The following DENND6A variants were observed in gnomAD, a reference collection of about 807,000 sequenced individuals.
DENND6A encodes the protein DENN domain containing 6A.
DENND6A carries 43 observed loss-of-function variants against 95.5 expected under a neutral mutation model. The ratio of observed to expected loss-of-function variants is 0.45; its 90% confidence interval spans 0.35 to 0.58. DENND6A has a LOEUF of 0.58. Among genes scored for constraint, DENND6A ranks in the 20% least tolerant of loss-of-function variants. The probability of loss-of-function intolerance (pLI) is 0.00; values close to 1 mark genes in which losing one functional copy is unlikely to be tolerated. For synonymous variants in DENND6A, 257 were observed against 260.4 expected (o/e 0.99, Z 0.13); for missense variants, 574 against 736.0 (o/e 0.78, Z 2.55).
At position 57,657,745 on chromosome 3, in the gene DENND6A, A is replaced by G. The variant is rs762092684; in HGVS notation, c.763-10T>C. On this transcript the variant is annotated splice_polypyrimidine_tract_variant and intron_variant, in intron 8 of 19. Transcript: ENST00000311128. ...ATATATTTGTGTCCACCTGAGAGAT[A>G]GAAAAGAAAAATAAAAGAAGGTATC... The G allele has an allele frequency of 6.4e-7, 1 of 1,559,256 alleles. No individual in the cohort carries two copies. Among genetic ancestry groups the G allele is most frequent in the Admixed American group, 1.9e-5 (1 of 52,860 alleles).
intron 9 of DENND6A, among the ~76,000 whole-genome samples, chr3:57,652,252 C>A (rs1466382630): frequency 6.6e-6 from 1 of 152,164 alleles, no homozygotes; most frequent in East Asian, 1.9e-4. Flanking sequence ...TCTCTCAGTG[C>A]TTGCTCTGGG....
Position 57,653,941 on chromosome 3 carries a change from C to CTTTTTTTTTTT in DENND6A, c.818+3728_818+3738dup, listed in dbSNP as rs1206882170. ...CCTTGGGAAAATAATTAGAAATTCA[C>CTTTTTTTTTTT]TTTTTTTTTTTTTTTTTTTTTTTTG... On this transcript the variant is annotated intron_variant, in intron 9 of 19. Coordinates refer to ENST00000311128, the MANE Select transcript of DENND6A (RefSeq NM_152678.3). Among the ~76,000 whole-genome samples the CTTTTTTTTTTT allele has an allele frequency of 7.9e-5, 6 of 75,820 alleles. 1 individual carries two copies. The highest frequency in any genetic ancestry group is 1.8e-4 in the Admixed American group (1 of 5,668). 49.7% of individuals were successfully genotyped at this position (75,820 alleles called of 152,430 possible).
At position 57,670,034 on chromosome 3, in the gene DENND6A, A is replaced by G. The variant is rs566614737; in HGVS notation, c.319+2222T>C. 2.8e-4 allele frequency among the ~76,000 whole-genome samples: 43 copies of G among 151,104 alleles called. No homozygotes were observed. The East Asian group carries it at 7.8e-3, about 27-fold the overall frequency. ...AACTCCATCTCAAAAAAAAAAAAAA[A>G]AAAGAAAAAAGAAAAAAAAAATCTG... On this transcript the variant is annotated intron_variant, in intron 3 of 19. Coordinates refer to ENST00000311128, the MANE Select transcript of DENND6A (RefSeq NM_152678.3).
chr3:57,632,157 C>T (rs2070697503), intron 15 of DENND6A, among the ~76,000 whole-genome samples: 1 of 149,752 alleles, frequency 6.7e-6, no homozygotes, highest in Non-Finnish European at 1.5e-5. Flanking sequence ...GCAGCTGGGA[C>T]TACAGGTGCG....
intron 11 of DENND6A, among the ~76,000 whole-genome samples, chr3:57,644,688 A>AGGGAG (rs1240691828): frequency 1.2e-5 from 1 of 84,794 alleles, no homozygotes; most frequent in Non-Finnish European, 2.3e-5. Context: ...GCAACAGGGA[A>AGGGAG]GGGAGGGGAG....
chr3:57,655,625 TA>T (rs749832000), intron 9 of DENND6A, among the ~76,000 whole-genome samples: 2 of 152,166 alleles, frequency 1.3e-5, no homozygotes, highest in African/African-American at 2.4e-5. Context: ...TCATTAAAAA[TA>T]TTTTTTTAAA....
At chr3:57,664,815 G>A (rs768742900) in intron 4 of DENND6A, among the ~76,000 whole-genome samples, 27 of 152,262 alleles carry the variant, frequency 1.8e-4, no homozygotes, top group Middle Eastern at 3.4e-3. Flanking sequence ...CCTGGTGACA[G>A]AGCAAGACTC....
chr3:57,660,824 T>A lies in DENND6A; in HGVS notation c.635A>T (p.Asp212Val). The A allele has an allele frequency of 6.2e-7, 1 of 1,605,084 alleles. No homozygotes were observed. The highest frequency in any genetic ancestry group is 1.1e-5 in the South Asian group (1 of 89,116). ...CCCTGGCACTGGGGCAGGCCATCGA[T>A]CAACATCATTACAAGCTGAAAAATA... Reference protein sequence around the residue: ...PYLEAACNDVDRWPAPVPGKT... With the variant: ...PYLEAACNDVVRWPAPVPGKT... Residue 212 changes from aspartate to valine, a missense_variant, in exon 7 of 20, where the codon GAT becomes GTT. Physicochemically the swap from Asp to Val is radical, Grantham distance 152. Transcript: ENST00000311128.
chr3:57,679,251 T>A (rs1041246370), intron 1 of DENND6A, among the ~76,000 whole-genome samples: 4 of 152,218 alleles, frequency 2.6e-5, no homozygotes, highest in Non-Finnish European at 5.9e-5. Flanking sequence ...TATGCACACA[T>A]CCTATTCTTT....
intron 12 of DENND6A, among the ~76,000 whole-genome samples, chr3:57,636,479 C>G (rs1412346744): frequency 1.3e-5 from 2 of 152,072 alleles, no homozygotes; most frequent in Non-Finnish European, 2.9e-5. Context: ...CACAGTCTAA[C>G]AGCAAAATAT....
intron 9 of DENND6A, 39 bp from the exon 10 acceptor site, chr3:57,646,477 G>T (rs1217702803): frequency 6.4e-7 from 1 of 1,559,242 alleles, no homozygotes; most frequent in Admixed American, 2.1e-5. Context: ...TTTTAATGTA[G>T]CCAATCCTGT....
chr3:57,646,215 G>A (rs1293123411), intron 10 of DENND6A, 101 bp downstream of exon 10: 18 of 1,472,802 alleles, frequency 1.2e-5, no homozygotes, highest in Non-Finnish European at 1.6e-5. Context: ...TAATGGGTGG[G>A]GAAAAATACG....
intron 11 of DENND6A, among the ~76,000 whole-genome samples, chr3:57,642,023 C>A (rs2070953178): frequency 6.6e-6 from 1 of 151,996 alleles, no homozygotes; most frequent in South Asian, 2.1e-4. Flanking sequence ...GTTTAAAATG[C>A]ACAACAATTA....
intron 1 of DENND6A, among the ~76,000 whole-genome samples, chr3:57,674,468 T>C: frequency 6.6e-6 from 1 of 151,254 alleles, no homozygotes; most frequent in East Asian, 2.0e-4. Flanking sequence ...CCATCTCTAC[T>C]AAAAATACAA....
rs1458547331 is a variant in DENND6A, at chr3:57,625,583, G to A, written c.*2631C>T. ...TACCCTTAAAGCAGTGATTCCTCCT[G>A]ATGCTGGTAGAGATAAAACATTTAA... is the stretch of plus-strand genomic sequence containing the variant. On this transcript the variant is annotated 3_prime_UTR_variant, in exon 20 of 20. Transcript: ENST00000311128. 3 of 152,390 alleles carry A rather than the reference G, an allele frequency of 2.0e-5. No individual in the cohort carries two copies. Among genetic ancestry groups the A allele is most frequent in the African/African-American group, 7.3e-5 (3 of 41,350 alleles). 9.4% of individuals were successfully genotyped at this position (152,390 alleles called of 1,614,324 possible). A position where few individuals can be genotyped will look rare whatever the true frequency, so the allele number is the denominator to read the frequency against.
chr3:57,691,404 T>G (rs962406552), intron 1 of DENND6A, among the ~76,000 whole-genome samples: 1 of 152,188 alleles, frequency 6.6e-6, no homozygotes, highest in Non-Finnish European at 1.5e-5. Context: ...TCAGCTACTA[T>G]GATTAATTCT....
At chr3:57,629,678 A>AT (rs1208541846) in intron 18 of DENND6A, among the ~76,000 whole-genome samples, 6,477 of 136,474 alleles carry the variant, frequency 0.047, 177 homozygotes, top group African/African-American at 0.081. Flanking sequence ...CGCCCGGCTA[A>AT]TTTTTTTTTT....
Position 57,628,215 on chromosome 3 carries a change from C to A in DENND6A, c.1826G>T (p.Ter609LeuextTer38). 6.2e-7 allele frequency: 1 copy of A among 1,610,744 alleles called. No homozygotes were observed. Among genetic ancestry groups the A allele is most frequent in the Non-Finnish European group, 8.5e-7 (1 of 1,178,816 alleles). The change falls in exon 20 of 20, where the codon TGA becomes TTA. Residue 609 changes from the stop codon to leucine (L), a stop_lost. Transcript: ENST00000311128. ...QGILLKTGMT* is the reference protein window; with the variant it reads ...QGILLKTGMTL ...TTGGCTGGAAAATCTTGGCAAATAT[C>A]ATGTCATGCCCGTTTTGAGCAGTAT... is the stretch of plus-strand genomic sequence containing the variant.
Position 57,693,020 on chromosome 3 carries a change from G to A in DENND6A, c.-2C>T, listed in dbSNP as rs2077286239. 1.3e-5 allele frequency: 19 copies of A among 1,460,112 alleles called. No homozygotes were observed. The East Asian group carries it at 4.0e-4, about 31-fold the overall frequency. 90.4% of individuals were successfully genotyped at this position (1,460,112 alleles called of 1,614,324 possible). On this transcript the variant is annotated 5_prime_UTR_variant, in exon 1 of 20. Coordinates refer to ENST00000311128, the MANE Select transcript of DENND6A (RefSeq NM_152678.3). ...GCCCGCAGGGCCCCTCAAAGCCATC[G>A]GCCGCCCCCTGACCGTTCGCGCCGC...
Sources: gnomAD v4.1 joint callset for allele counts (sites outside exome capture counted in the v4.1 genomes callset) on GRCh38, gnomAD v4.1.1 for gene constraint, MANE v1.5 for transcripts, NCBI Gene and HGNC (gene_info 2026-07-23, HGNC 2026-07-21) for gene names.